The following GALNT13 variants were observed in gnomAD, a reference collection of about 807,000 sequenced individuals.
The protein encoded by GALNT13 is polypeptide N-acetylgalactosaminyltransferase 13.
A neutral mutation model predicts 64.2 loss-of-function variants in GALNT13; 28 were observed. The observed-to-expected ratio is 0.44, with a 90% CI of 0.32 to 0.60. The LOEUF is 0.60. Ranked by LOEUF, GALNT13 falls within the 20% of genes least tolerant of loss-of-function variation. The probability of loss-of-function intolerance (pLI) is 0.05; values close to 1 mark genes in which losing one functional copy is unlikely to be tolerated. For synonymous variants in GALNT13, 214 were observed against 224.6 expected (o/e 0.95, Z 0.42); for missense variants, 577 against 669.8 (o/e 0.86, Z 1.53).
chr2:153,664,094 G>GA, the GALNT13 span, among the ~76,000 whole-genome samples: 4 of 152,228 alleles, frequency 2.6e-5, no homozygotes, highest in Admixed American at 6.5e-5. Context: ...ATCTTAACAA[G>GA]AAACAGGGTT....
chr2:153,181,220 CAA>C, the GALNT13 span, among the ~76,000 whole-genome samples: 19,236 of 150,948 alleles, frequency 0.13, 1,491 homozygotes, highest in Non-Finnish European at 0.17. Context: ...TCATTTGTCT[CAA>C]GATATTTTTA....
At chr2:153,304,082 A>G in the GALNT13 span, among the ~76,000 whole-genome samples, 3 of 151,066 alleles carry the variant, frequency 2.0e-5, no homozygotes, top group African/African-American at 7.3e-5. Context: ...CTCACTGTCT[A>G]TATGGTTGGT....
At chr2:154,250,387 A>G (rs2105886330) in intron 7 of GALNT13, among the ~76,000 whole-genome samples, 2 of 152,094 alleles carry the variant, frequency 1.3e-5, no homozygotes, top group African/African-American at 4.8e-5. Context: ...TTTTCCCCAC[A>G]TAGGTTTTAA....
chr2:153,161,753 G>A, the GALNT13 span, among the ~76,000 whole-genome samples: 1 of 152,170 alleles, frequency 6.6e-6, no homozygotes, highest in Non-Finnish European at 1.5e-5. Context: ...CTCAGGTTTT[G>A]TAGAGTCTTG....
At chr2:153,623,213 C>T in the GALNT13 span, among the ~76,000 whole-genome samples, 2 of 152,032 alleles carry the variant, frequency 1.3e-5, no homozygotes, top group African/African-American at 4.8e-5. Context: ...TATTAGGGCT[C>T]CATTCCAAGA....
chr2:153,519,094 G>A, the GALNT13 span, among the ~76,000 whole-genome samples: 5 of 152,080 alleles, frequency 3.3e-5, no homozygotes, highest in Non-Finnish European at 7.4e-5. Context: ...TGTGTCCAAG[G>A]CTCCTAGGAC....
At chr2:154,016,793 A>G (rs1187426357) in intron 3 of GALNT13, among the ~76,000 whole-genome samples, 1 of 152,232 alleles carries the variant, frequency 6.6e-6, no homozygotes, top group Non-Finnish European at 1.5e-5. Context: ...CTGAACAACA[A>G]TAATAATTTT....
At chr2:154,092,659 G>T (rs891250376) in intron 3 of GALNT13, among the ~76,000 whole-genome samples, 2 of 151,990 alleles carry the variant, frequency 1.3e-5, no homozygotes, top group Admixed American at 6.6e-5. Context: ...GTACTTAGGG[G>T]CTAGTTAACA....
chr2:153,540,267 C>G, the GALNT13 span, among the ~76,000 whole-genome samples: 142 of 152,298 alleles, frequency 9.3e-4, 1 homozygote, highest in African/African-American at 3.2e-3. Flanking sequence ...AGTCCCAAGC[C>G]TTGGCAGCTT....
chr2:154,083,640 G>T (rs7603465), intron 3 of GALNT13, among the ~76,000 whole-genome samples: 1,631 of 151,742 alleles, frequency 0.011, 36 homozygotes, highest in African/African-American at 0.037. Context: ...CCCTTGTAAG[G>T]TGTATTCCTA....
the GALNT13 span, among the ~76,000 whole-genome samples, chr2:153,635,005 G>T: frequency 6.6e-6 from 1 of 152,058 alleles, no homozygotes; most frequent in Non-Finnish European, 1.5e-5. Context: ...GAAAAATTAG[G>T]TGCTAAAGCA....
At chr2:153,552,883 T>C in the GALNT13 span, among the ~76,000 whole-genome samples, 1 of 151,916 alleles carries the variant, frequency 6.6e-6, no homozygotes, top group Admixed American at 6.6e-5. Context: ...CACAACAGGG[T>C]TCCCCCTCCT....
At chr2:153,085,273 C>A in the GALNT13 span, among the ~76,000 whole-genome samples, 5 of 152,312 alleles carry the variant, frequency 3.3e-5, no homozygotes, top group African/African-American at 1.2e-4. Context: ...TACCCATTTT[C>A]TGAGGAGAAA....
intron 9 of GALNT13, among the ~76,000 whole-genome samples, chr2:154,357,609 A>G (rs963480616): frequency 2.0e-5 from 3 of 152,064 alleles, no homozygotes; most frequent in African/African-American, 4.8e-5. Context: ...CTTTCCTATG[A>G]CATTAGGCAA....
the GALNT13 span, among the ~76,000 whole-genome samples, chr2:153,165,760 G>C: frequency 9.7e-3 from 1,476 of 152,276 alleles, 17 homozygotes; most frequent in African/African-American, 0.033. Flanking sequence ...ACAAGCAGCA[G>C]ATAAAATAGG....
intron 9 of GALNT13, among the ~76,000 whole-genome samples, chr2:154,306,065 G>C (rs551019682): frequency 1.3e-5 from 2 of 152,196 alleles, no homozygotes; most frequent in South Asian, 2.1e-4. Flanking sequence ...ATAAGCCTTT[G>C]TCCCACCTCT....
chr2:154,278,043 C>A (rs1038874830), intron 8 of GALNT13, among the ~76,000 whole-genome samples: 1 of 152,110 alleles, frequency 6.6e-6, no homozygotes, highest in Non-Finnish European at 1.5e-5. Flanking sequence ...TGATCCCTGA[C>A]CAAAATATTT....
chr2:153,491,848 C>G, the GALNT13 span, among the ~76,000 whole-genome samples: 1 of 151,922 alleles, frequency 6.6e-6, no homozygotes, highest in Non-Finnish European at 1.5e-5. Flanking sequence ...CGAACTCCTG[C>G]CTCAAGTGAT....
At chr2:153,586,934 G>C in the GALNT13 span, among the ~76,000 whole-genome samples, 1 of 150,770 alleles carries the variant, frequency 6.6e-6, no homozygotes, top group Non-Finnish European at 1.5e-5. Context: ...ATGATCATTG[G>C]GTCAATAAAG....
Sources: allele counts gnomAD v4.1 joint callset (sites outside exome capture counted in the v4.1 genomes callset), GRCh38; gene constraint gnomAD v4.1.1; transcripts MANE v1.5; gene names NCBI Gene and HGNC (gene_info 2026-07-23, HGNC 2026-07-21).